ACVR1: variants seen among roughly 807,000 people sequenced by gnomAD.
ACVR1 encodes activin A receptor type 1.
ACVR1 carries 38 observed loss-of-function variants against 57.1 expected under a neutral mutation model. The observed-to-expected ratio is 0.67, with a 90% CI of 0.51 to 0.87. ACVR1 has a LOEUF of 0.87. Among genes scored for constraint, ACVR1 ranks in the 40% least tolerant of loss-of-function variants. The pLI, the probability that ACVR1 is intolerant of heterozygous loss-of-function variation, is 0.00. For missense variants in ACVR1, 463 were observed against 638.2 expected, an observed-to-expected ratio of 0.73 and a Z score of 2.96; for synonymous variants, 212 against 228.1, an observed-to-expected ratio of 0.93 and a Z score of 0.63.
chr2:157,836,404 T>C (rs749324036), intron 1 of ACVR1, among the ~76,000 whole-genome samples: 1 of 152,180 alleles, frequency 6.6e-6, no homozygotes, highest in Admixed American at 6.5e-5. Flanking sequence ...GCTCACAATC[T>C]ACATGGGGTT....
intron 2 of ACVR1, chr2:157,806,904 AGCATGT>A (rs1444727887): frequency 2.0e-5 from 3 of 152,200 alleles, no homozygotes; most frequent in African/African-American, 7.2e-5. Context: ...TCAGAATATT[AGCATGT>A]AATTTGATCT....
intron 2 of ACVR1, 92 bp from the exon 3 acceptor site, chr2:157,799,592 G>A: frequency 1.1e-6 from 1 of 951,614 alleles, no homozygotes; most frequent in Admixed American, 1.8e-5. Flanking sequence ...TGCCATTCAA[G>A]GCCCTTCTTA....
intron 7 of ACVR1, among the ~76,000 whole-genome samples, 200 bp from the exon 8 acceptor site, chr2:157,766,396 G>T (rs1685861316): frequency 6.6e-6 from 1 of 152,130 alleles, no homozygotes; most frequent in South Asian, 2.1e-4. Flanking sequence ...ACTGCTAATA[G>T]GAAAATTTCA....
chr2:157,863,011 C>CTTTT (rs374223805), intron 1 of ACVR1, among the ~76,000 whole-genome samples: 1 of 62,332 alleles, frequency 1.6e-5, no homozygotes, highest in African/African-American at 7.3e-5. Flanking sequence ...AGAACATTTA[C>CTTTT]TTTTTTTTTT....
At chr2:157,846,678 A>T (rs181391679) in intron 1 of ACVR1, among the ~76,000 whole-genome samples, 11 of 152,366 alleles carry the variant, frequency 7.2e-5, no homozygotes, top group African/African-American at 2.6e-4. Flanking sequence ...TGGATGGATG[A>T]AATTGTTTCT....
At position 157,738,656 on chromosome 2, in the gene ACVR1, A is replaced by G. The variant is rs1389194989; in HGVS notation, c.1265-86T>C. 2.8e-5 allele frequency: 45 copies of G among 1,586,476 alleles called. 1 individual carries two copies. Among genetic ancestry groups the G allele is most frequent in the Non-Finnish European group, 3.3e-5 (38 of 1,155,596 alleles). The stretch of plus-strand genomic sequence containing the variant: ...TCATTGATGGGTGTCACAGGTTATA[A>G]TGTGACAGAAGAAAATACTAATCAC... On this transcript the variant is annotated intron_variant, in intron 9 of 10. Coordinates refer to ENST00000434821, the MANE Select transcript of ACVR1 (RefSeq NM_001111067.4).
intron 9 of ACVR1, among the ~76,000 whole-genome samples, chr2:157,743,922 T>C (rs946985186): frequency 6.6e-6 from 1 of 152,122 alleles, no homozygotes; most frequent in Non-Finnish European, 1.5e-5. Flanking sequence ...GTTAGAGCCA[T>C]GAGAATTCCA....
chr2:157,762,975 C>T (rs1408055823), intron 8 of ACVR1, among the ~76,000 whole-genome samples: 1 of 152,208 alleles, frequency 6.6e-6, no homozygotes, highest in African/African-American at 2.4e-5. Context: ...AGATTCCTGA[C>T]TCTCAAGAGA....
chr2:157,826,775 GGAAAGGAAA>G lies in ACVR1; in HGVS notation c.-182-8225_-182-8217del, dbSNP rs1379578395. On this transcript the variant is annotated intron_variant, in intron 1 of 10. Coordinates refer to ENST00000434821, the MANE Select transcript of ACVR1 (RefSeq NM_001111067.4). ...GGAAAGGAAAGGAAAGGAAAGGAAAGGAAAGGAAAGGAAAGGGAAAGGGAAAAGGAAAAG... is the reference window on the plus strand; with the variant it reads ...GGAAAGGAAAGGAAAGGAAAGGAAAGGGAAAGGGAAAGGGAAAAGGAAAAG... 71 of 63,144 alleles carry G rather than the reference GGAAAGGAAA, an allele frequency of 1.1e-3. 1 individual carries two copies. Among genetic ancestry groups the G allele is most frequent in the African/African-American group, 4.4e-3 (53 of 12,142 alleles). 3.9% of individuals were successfully genotyped at this position (63,144 alleles called of 1,614,324 possible).
At chr2:157,863,509 C>G (rs952270779) in intron 1 of ACVR1, among the ~76,000 whole-genome samples, 1 of 150,754 alleles carries the variant, frequency 6.6e-6, no homozygotes, top group Non-Finnish European at 1.5e-5. Context: ...CCAGCCTGGC[C>G]AACAGGGCAA....
intron 2 of ACVR1, among the ~76,000 whole-genome samples, chr2:157,813,042 A>C (rs1486279187): frequency 1.3e-5 from 2 of 152,186 alleles, no homozygotes; most frequent in Non-Finnish European, 2.9e-5. Context: ...ACAAAATCCC[A>C]AAAATAATAG....
chr2:157,844,952 C>G (rs922832407), intron 1 of ACVR1, among the ~76,000 whole-genome samples: 2 of 152,170 alleles, frequency 1.3e-5, no homozygotes, highest in Non-Finnish European at 1.5e-5. Context: ...CCTGCCCACA[C>G]CTTTATCTTT....
intron 8 of ACVR1, among the ~76,000 whole-genome samples, chr2:157,764,363 CT>C (rs113156681): frequency 0.037 from 4,884 of 133,680 alleles, 188 homozygotes; most frequent in African/African-American, 0.12. Flanking sequence ...TATTATTTTT[CT>C]TTTTTTTTTT....
intron 1 of ACVR1, among the ~76,000 whole-genome samples, chr2:157,851,469 G>A (rs960568804): frequency 6.6e-6 from 1 of 152,062 alleles, no homozygotes; most frequent in South Asian, 2.1e-4. Flanking sequence ...GAGCAACAAG[G>A]CAGGCAGGAT....
intron 9 of ACVR1, among the ~76,000 whole-genome samples, chr2:157,748,369 A>G (rs1685051861): frequency 6.6e-6 from 1 of 152,204 alleles, no homozygotes; most frequent in Non-Finnish European, 1.5e-5. Flanking sequence ...GTTTATTTGG[A>G]CACCAATCCT....
chr2:157,752,887 C>T (rs1685261828), intron 9 of ACVR1, among the ~76,000 whole-genome samples: 1 of 151,968 alleles, frequency 6.6e-6, no homozygotes, highest in Non-Finnish European at 1.5e-5. Flanking sequence ...AAAAAAATAC[C>T]ATAAATACAT....
chr2:157,828,461 A>AAAG (rs1291959964), intron 1 of ACVR1, among the ~76,000 whole-genome samples: 1 of 151,030 alleles, frequency 6.6e-6, no homozygotes, highest in Non-Finnish European at 1.5e-5. Context: ...AAAAAAAAAA[A>AAAG]AAAAAAAAAA....
At chr2:157,796,276 C>T (rs1687116930) in intron 3 of ACVR1, among the ~76,000 whole-genome samples, 1 of 151,268 alleles carries the variant, frequency 6.6e-6, no homozygotes, top group Non-Finnish European at 1.5e-5. Context: ...CGATAGCCGG[C>T]CAAGGTGGCT....
chr2:157,855,306 G>GTATATA lies in ACVR1; in HGVS notation c.-183+20489_-183+20490insTATATA, dbSNP rs1459134497. 5.3e-4 allele frequency among the ~76,000 whole-genome samples: 28 copies of GTATATA among 53,154 alleles called. No homozygotes were observed. In the East Asian group the frequency reaches 5.5e-3, roughly 10 times the overall value. 34.9% of individuals were successfully genotyped at this position (53,154 alleles called of 152,430 possible). On this transcript the variant is annotated intron_variant, in intron 1 of 10. Coordinates refer to ENST00000434821, the MANE Select transcript of ACVR1 (RefSeq NM_001111067.4). ...TGTGTGTGTGTGTGTGTGTGTGTGT[G>GTATATA]TGTATATATATATATATACACACAC...
Sources: allele counts gnomAD v4.1 joint callset (sites outside exome capture counted in the v4.1 genomes callset), GRCh38; gene constraint gnomAD v4.1.1; transcripts MANE v1.5; gene names NCBI Gene and HGNC (gene_info 2026-07-23, HGNC 2026-07-21).